Variants in UNC13A observed in about 807,000 individuals in gnomAD.
UNC13A encodes protein unc-13 homolog A.
Under a neutral mutation model 219.7 loss-of-function variants are expected in UNC13A, and 61 were observed. That is an observed-to-expected ratio of 0.28 (90% CI 0.23 to 0.34). The LOEUF is 0.34. Ranked by LOEUF, UNC13A falls within the 10% of genes least tolerant of loss-of-function variation. The pLI is 1.00. For synonymous variants in UNC13A, 920 were observed against 884.6 expected (o/e 1.04, Z -0.71); for missense variants, 1,476 against 2,270.3 (o/e 0.65, Z 7.11).
chr19:17,666,268 A>G (rs542313971), intron 7 of UNC13A, among the ~76,000 whole-genome samples: 42 of 148,704 alleles, frequency 2.8e-4, no homozygotes, highest in African/African-American at 9.2e-4. Flanking sequence ...GCTGGAGTAC[A>G]GTGGCATGAT....
At chr19:17,679,672 C>T (rs1378719923) in intron 1 of UNC13A, among the ~76,000 whole-genome samples, 5 of 151,900 alleles carry the variant, frequency 3.3e-5, no homozygotes, top group Non-Finnish European at 5.9e-5. Context: ...CCCAGTAGCT[C>T]CTTGATCTGT....
rs1196512245 is a variant in UNC13A at position 17,674,060 on chromosome 19, T to C, written c.152+597A>G. ...ATTGGTGGCAAGGCCTGGGAAGGCA[T>C]GATGCCCTGAAATTGTAGCTTGGAG... On this transcript the variant is annotated intron_variant, in intron 3 of 43. Transcript: ENST00000519716. The surrounding 1 kb of genome is among the most constrained non-coding windows in gnomAD (Gnocchi z 5.0). Among the ~76,000 whole-genome samples the C allele has an allele frequency of 6.6e-6, 1 of 152,186 alleles. No homozygotes were observed. Among genetic ancestry groups the C allele is most frequent in the Non-Finnish European group, 1.5e-5 (1 of 68,042 alleles).
Position 17,635,379 on chromosome 19 carries a change from G to C in UNC13A, c.3215+645C>G, listed in dbSNP as rs1221197614. Among the ~76,000 whole-genome samples the C allele has an allele frequency of 3.9e-5, 6 of 152,072 alleles. No homozygotes were observed. The South Asian group carries it at 1.2e-3, about 31-fold the overall frequency. ...TCCCTGATCTTAATTCCCTAACCAGGATATGTTAACGCCCCAAAGCTAGAG... is the reference window on the plus strand; with the variant it reads ...TCCCTGATCTTAATTCCCTAACCAGCATATGTTAACGCCCCAAAGCTAGAG... On this transcript the variant is annotated intron_variant, in intron 26 of 43. Transcript: ENST00000519716.
intron 1 of UNC13A, among the ~76,000 whole-genome samples, chr19:17,676,749 C>T (rs2079906956): frequency 6.6e-6 from 1 of 152,186 alleles, no homozygotes; most frequent in Admixed American, 6.5e-5. Context: ...CACGGTGGCT[C>T]ACACCTATAA....
In UNC13A at chr19:17,655,915, G is replaced by C. The variant is rs1222716328; in HGVS notation, c.1251C>G (p.Ile417Met). 2.6e-6 allele frequency: 4 copies of C among 1,528,886 alleles called. No homozygotes were observed. The South Asian group carries it at 5.2e-5, about 20-fold the overall frequency. 94.7% of individuals were successfully genotyped at this position (1,528,886 alleles called of 1,614,324 possible). A position where few individuals can be genotyped will look rare whatever the true frequency, so the allele number is the denominator to read the frequency against. Residue 417 changes from isoleucine (I) to methionine (M), a missense_variant, in exon 10 of 44, where the codon ATC (isoleucine) becomes ATG (methionine). Physicochemically the swap from Ile to Met is conservative, Grantham distance 10. This residue lies in a region of UNC13A where 351 missense variants were observed against 342.6 expected (regional missense o/e 1.02). Transcript: ENST00000519716. Reference sequence around the variant, plus strand: ...CGTCCTTGGGTGGCTCAGCCTCAGGGATCTGCTCAGCTGCAGGCACCTTGT... The same window carrying C: ...CGTCCTTGGGTGGCTCAGCCTCAGGCATCTGCTCAGCTGCAGGCACCTTGT... ...TPDKVPAAEQIPEAEPPKDEE... is the reference protein window; with the variant it reads ...TPDKVPAAEQMPEAEPPKDEE...
At chr19:17,683,726 A>T (rs890389134) in intron 1 of UNC13A, among the ~76,000 whole-genome samples, 49 of 152,232 alleles carry the variant, frequency 3.2e-4, no homozygotes, top group African/African-American at 1.1e-3. Context: ...GTAAGTTGTG[A>T]AGCAAACCCA....
intron 1 of UNC13A, among the ~76,000 whole-genome samples, chr19:17,679,959 G>T (rs953420049): frequency 6.6e-6 from 1 of 152,060 alleles, no homozygotes; most frequent in Admixed American, 6.6e-5. Context: ...CTGAAGCCAG[G>T]CTCCTGCACT....
chr19:17,613,030 A>G (rs10404263), intron 41 of UNC13A, among the ~76,000 whole-genome samples: 31,468 of 151,912 alleles, frequency 0.21, 3,535 homozygotes, highest in Non-Finnish European at 0.26. Context: ...TCAAGAGTTC[A>G]AGCCCATCCT....
chr19:17,688,154 C>A, intron 1 of UNC13A, 24 bp downstream of exon 1: 1 of 1,527,620 alleles, frequency 6.5e-7, no homozygotes, highest in Non-Finnish European at 8.8e-7. Flanking sequence ...CACGGGTCCC[C>A]CGACCCCCAG....
intron 1 of UNC13A, among the ~76,000 whole-genome samples, chr19:17,684,427 G>T (rs921302617): frequency 2.6e-5 from 4 of 152,162 alleles, no homozygotes; most frequent in African/African-American, 9.7e-5. Flanking sequence ...CCAGAGCCAG[G>T]AACAGTGCCT....
chr19:17,638,842 T>A (rs28712245), intron 25 of UNC13A, among the ~76,000 whole-genome samples: 31 of 147,188 alleles, frequency 2.1e-4, no homozygotes, highest in Non-Finnish European at 2.2e-4. Flanking sequence ...AAAAAAAAAA[T>A]TTTTTTTTAT....
At chr19:17,651,130 G>T (rs1484804895) in intron 12 of UNC13A, among the ~76,000 whole-genome samples, 1 of 151,602 alleles carries the variant, frequency 6.6e-6, no homozygotes, top group East Asian at 2.0e-4. Flanking sequence ...GTAGATATGG[G>T]GTTTCACCAT....
Position 17,672,368 on chromosome 19 carries a change from C to A in UNC13A, c.270+10G>T. The A allele has an allele frequency of 6.2e-7, 1 of 1,612,454 alleles. No individual in the cohort carries two copies. Among genetic ancestry groups the A allele is most frequent in the Non-Finnish European group, 8.5e-7 (1 of 1,179,052 alleles). On this transcript the variant is annotated intron_variant, in intron 4 of 43. Coordinates refer to ENST00000519716, the MANE Select transcript of UNC13A (RefSeq NM_001080421.3). ...CCTCCTTCTTCACCCTCAGGCCACC[C>A]GCCACTCACCTCATTGGACTGGCGG...
chr19:17,655,310 C>A lies in UNC13A; in HGVS notation c.1356G>T (p.Leu452=). The A allele has an allele frequency of 6.3e-7, 1 of 1,588,942 alleles. No homozygotes were observed. Among genetic ancestry groups the A allele is most frequent in the Non-Finnish European group, 8.6e-7 (1 of 1,168,600 alleles). ...GCATCCGCACCTTGTTGAAGGCACG[C>A]AGCCAGTTGGCCTTGGCCCTGGACA... ...DSMSRAKANW[L]RAFNKVRMQL... is the part of the protein sequence containing the mutation. The change falls in exon 11 of 44, where the codon CTG becomes CTT. Residue 452 remains leucine, a synonymous_variant. Transcript: ENST00000519716.
At chr19:17,657,260 C>T (rs763349777) in intron 9 of UNC13A, among the ~76,000 whole-genome samples, 6 of 152,204 alleles carry the variant, frequency 3.9e-5, no homozygotes, top group African/African-American at 7.2e-5. Flanking sequence ...TCCTCCATTC[C>T]GGCCACGCTG....
At chr19:17,661,560 G>A (rs1415102289) in intron 8 of UNC13A, among the ~76,000 whole-genome samples, 1 of 151,758 alleles carries the variant, frequency 6.6e-6, no homozygotes, top group African/African-American at 2.4e-5. Context: ...CAGGCATAGT[G>A]GCGTGCACCT....
At chr19:17,608,785 G>A (rs2076568962) in intron 43 of UNC13A, among the ~76,000 whole-genome samples, 1 of 151,294 alleles carries the variant, frequency 6.6e-6, no homozygotes, top group African/African-American at 2.4e-5. Context: ...CAAAGTGCTG[G>A]GATTACAGGT....
chr19:17,606,174 C>A lies in UNC13A; in HGVS notation c.4992G>T (p.Thr1664=). 6.4e-7 allele frequency: 1 copy of A among 1,571,288 alleles called. No homozygotes were observed. The highest frequency in any genetic ancestry group is 8.6e-7 in the Non-Finnish European group (1 of 1,160,136). Residue 1664 remains threonine, a synonymous_variant, in exon 44 of 44, where the codon ACG becomes ACT. Transcript: ENST00000519716. The part of the protein sequence containing the change: ...PLGRRIHMDD[T]GLTVLRILSQ... Reference sequence around the variant, plus strand: ...AGAGGATTCGCAGCACCGTGAGGCCCGTGTCGTCCATGTGGATGCGGCGGC... The same window carrying A: ...AGAGGATTCGCAGCACCGTGAGGCCAGTGTCGTCCATGTGGATGCGGCGGC...
chr19:17,609,051 G>T (rs922190799), intron 43 of UNC13A, among the ~76,000 whole-genome samples: 2 of 148,300 alleles, frequency 1.3e-5, no homozygotes, highest in Admixed American at 6.8e-5. Flanking sequence ...TCCGCCTCCC[G>T]GACTCAAGCG....
Sources: gnomAD v4.1 joint callset for allele counts (sites outside exome capture counted in the v4.1 genomes callset) on GRCh38, gnomAD v4.1.1 for gene constraint, gnomAD v4.1.1 regional missense constraint, Gnocchi (gnomAD v3.1) non-coding constraint, MANE v1.5 for transcripts, NCBI Gene and HGNC (gene_info 2026-07-23, HGNC 2026-07-21) for gene names.